Variants in TOMM40L observed in about 807,000 individuals in gnomAD.
The protein encoded by TOMM40L is mitochondrial import receptor subunit TOM40B.
TOMM40L carries 17 observed loss-of-function variants against 38.3 expected under a neutral mutation model. The ratio of observed to expected loss-of-function variants is 0.44; its 90% confidence interval spans 0.30 to 0.67. TOMM40L has a LOEUF of 0.67. TOMM40L is among the 30% of genes least tolerant of loss of function. TOMM40L has a pLI of 0.08. For missense variants in TOMM40L, 294 were observed against 390.0 expected (o/e 0.75, Z 2.07); for synonymous variants, 151 against 150.2 (o/e 1.01, Z -0.04).
In TOMM40L at chr1:161,226,361, C is replaced by G; in HGVS notation, c.-129C>G. On this transcript the variant is annotated 5_prime_UTR_variant, in exon 2 of 10. Coordinates refer to ENST00000367988, the MANE Select transcript of TOMM40L (RefSeq NM_032174.6). Reference sequence around the variant, plus strand: ...CCTACTCTTCCTGTTCCAGGTGTAGCGTCGGACCATGTGGAAGTTTCTGAG... The same window carrying G: ...CCTACTCTTCCTGTTCCAGGTGTAGGGTCGGACCATGTGGAAGTTTCTGAG... 1.4e-6 allele frequency: 1 copy of G among 736,762 alleles called. No individual in the cohort carries two copies. The highest frequency in any genetic ancestry group is 2.7e-5 in the East Asian group (1 of 36,490). 45.6% of individuals were successfully genotyped at this position (736,762 alleles called of 1,614,324 possible). A position where few individuals can be genotyped will look rare whatever the true frequency, so the allele number is the denominator to read the frequency against.
At chr1:161,227,572 A>G (rs1571645586) in intron 4 of TOMM40L, 64 bp from the exon 5 acceptor site, 7 of 1,400,234 alleles carry the variant, frequency 5.0e-6, no homozygotes, top group East Asian at 2.3e-5. Context: ...GAAGTTCTAT[A>G]TTTGGGTTTA....
intron 3 of TOMM40L, 41 bp from the exon 4 acceptor site, chr1:161,227,217 G>A: frequency 1.3e-6 from 2 of 1,581,804 alleles, no homozygotes; most frequent in African/African-American, 1.3e-5. Context: ...TTGAAGTGGA[G>A]CAGGAATGCG....
chr1:161,227,608 C>A, intron 4 of TOMM40L, 28 bp from the exon 5 acceptor site: 1 of 1,597,306 alleles, frequency 6.3e-7, no homozygotes, highest in East Asian at 2.2e-5. Flanking sequence ...TCCGGCTCAG[C>A]CTTACTACTG....
intron 9 of TOMM40L, 25 bp from the exon 10 acceptor site, chr1:161,228,931 T>C (rs1666584777): frequency 6.2e-7 from 1 of 1,614,176 alleles, no homozygotes; most frequent in Non-Finnish European, 8.5e-7. Flanking sequence ...TTAAATAATC[T>C]AGTGGGTATT....
chr1:161,228,552 A>G lies in TOMM40L; in HGVS notation c.684+48A>G, dbSNP rs142138143. The G allele has an allele frequency of 2.5e-6, 4 of 1,606,032 alleles. No individual in the cohort carries two copies. In the African/African-American group the frequency reaches 4.0e-5, roughly 16 times the overall value. The stretch of plus-strand genomic sequence containing the variant: ...CTCCTTGTCAGCAAGTCAGTCATGA[A>G]CTTCTGTTCATCTGGACCTCTATCG... On this transcript the variant is annotated intron_variant, in intron 8 of 9. Transcript: ENST00000367988.
At chr1:161,228,152 A>G (rs201833813) in intron 6 of TOMM40L, 34 bp from the exon 7 acceptor site, 213 of 1,570,862 alleles carry the variant, frequency 1.4e-4, no homozygotes, top group Non-Finnish European at 1.7e-4. Context: ...TATTGTCTCT[A>G]TGACTGACTC....
Position 161,228,215 on chromosome 1 carries a change from C to A in TOMM40L, c.514C>A (p.Leu172Ile). Reference protein sequence around the residue: ...VIMVAHFLQSLTHRLVLGGEL... With the variant: ...VIMVAHFLQSITHRLVLGGEL... Reference sequence around the variant, plus strand: ...CATGGTTGCTCACTTCCTGCAGAGCCTCACTCATCGGCTGGTGCTGGGAGG... The same window carrying A: ...CATGGTTGCTCACTTCCTGCAGAGCATCACTCATCGGCTGGTGCTGGGAGG... Residue 172 changes from leucine to isoleucine, a missense_variant, in exon 7 of 10, where the codon CTC becomes ATC. Physicochemically the swap from Leu to Ile is conservative, Grantham distance 5. Coordinates refer to ENST00000367988, the MANE Select transcript of TOMM40L (RefSeq NM_032174.6). 6.2e-7 allele frequency: 1 copy of A among 1,603,354 alleles called. No homozygotes were observed. The highest frequency in any genetic ancestry group is 8.5e-7 in the Non-Finnish European group (1 of 1,173,680).
At chr1:161,227,858 T>A (rs1429597185) in intron 5 of TOMM40L, 26 bp from the exon 6 acceptor site, 1 of 1,612,166 alleles carries the variant, frequency 6.2e-7, no homozygotes, top group East Asian at 2.2e-5. Flanking sequence ...GGGAGGGAGA[T>A]TTTACTTCTT....
chr1:161,228,225 G>A lies in TOMM40L; in HGVS notation c.524G>A (p.Arg175Gln), dbSNP rs771819011. Residue 175 changes from arginine to glutamine, a missense_variant, in exon 7 of 10, where the codon CGG becomes CAG. Coordinates refer to ENST00000367988, the MANE Select transcript of TOMM40L (RefSeq NM_032174.6). ...CACTTCCTGCAGAGCCTCACTCATC[G>A]GCTGGTGCTGGGAGGAGAGCTAGTT... ...VAHFLQSLTH[R>Q]LVLGGELVYH... 14 of 1,605,876 alleles carry A rather than the reference G, an allele frequency of 8.7e-6. No homozygotes were observed. The highest frequency in any genetic ancestry group is 2.2e-5 in the East Asian group (1 of 44,810).
Position 161,226,592 on chromosome 1 carries a change from C to A in TOMM40L, c.103C>A (p.Arg35Ser). The change falls in exon 2 of 10, where the codon CGT becomes AGT. Residue 35 changes from arginine (R) to serine (S), a missense_variant. Arg to Ser is a moderately radical substitution (Grantham distance 110, BLOSUM62 -1). Coordinates refer to ENST00000367988, the MANE Select transcript of TOMM40L (RefSeq NM_032174.6). ...PNPGSFDELHRLCKDVFPAQM... is the reference protein window; with the variant it reads ...PNPGSFDELHSLCKDVFPAQM... ...CCCTGGGAGCTTCGATGAGCTGCAC[C>A]GTCTATGCAAAGGTGAGAACTTGGC... 1.2e-6 allele frequency: 2 copies of A among 1,613,928 alleles called. No individual in the cohort carries two copies. Among genetic ancestry groups the A allele is most frequent in the African/African-American group, 1.3e-5 (1 of 75,010 alleles).
rs1666621805 is a variant in TOMM40L, at chr1:161,229,421, C to T, written c.*326C>T. The T allele has an allele frequency of 1.6e-6, 1 of 628,334 alleles. No homozygotes were observed. 38.9% of individuals were successfully genotyped at this position (628,334 alleles called of 1,614,324 possible). ...CCCTCAGGCTTCCTTCTTCCTTTCCCTTTGGTTAATCCTGCATGGGATTAG... is the reference window on the plus strand; with the variant it reads ...CCCTCAGGCTTCCTTCTTCCTTTCCTTTTGGTTAATCCTGCATGGGATTAG... On this transcript the variant is annotated 3_prime_UTR_variant, in exon 10 of 10. Coordinates refer to ENST00000367988, the MANE Select transcript of TOMM40L (RefSeq NM_032174.6).
At position 161,227,966 on chromosome 1, in the gene TOMM40L, A is replaced by G; in HGVS notation, c.461A>G (p.Asn154Ser). 1 of 1,614,100 alleles carries G rather than the reference A, an allele frequency of 6.2e-7. No homozygotes were observed. Among genetic ancestry groups the G allele is most frequent in the Non-Finnish European group, 8.5e-7 (1 of 1,179,990 alleles). The change falls in exon 6 of 10, where the codon AAT becomes AGT. Residue 154 changes from asparagine (N) to serine (S), a missense_variant. By Grantham distance (46) the Asn-to-Ser change is conservative. Transcript: ENST00000367988. ...TACACAGCCACTCTGACCCTAGGAA[A>G]TCCTGACCTGATTGGGGAGTCGGGT... ...DDYTATLTLG[N>S]PDLIGESVIM...
Position 161,227,500 on chromosome 1 carries a change from TTC to T in TOMM40L, c.277-134_277-133del. ...GAATGAGAGAGGGTAGAGAAACATTTTCTGTGAAGAGCCCAGAGTGTGTCTTT... is the reference window on the plus strand; with the variant it reads ...GAATGAGAGAGGGTAGAGAAACATTTTGTGAAGAGCCCAGAGTGTGTCTTT... On this transcript the variant is annotated intron_variant, in intron 4 of 9. Coordinates refer to ENST00000367988, the MANE Select transcript of TOMM40L (RefSeq NM_032174.6). 4.8e-6 allele frequency: 5 copies of T among 1,042,096 alleles called. No individual in the cohort carries two copies. In the South Asian group the frequency reaches 7.2e-5, roughly 15 times the overall value. The allele number at this position is 1,042,096 out of a possible 1,614,324, so 64.6% of individuals were successfully genotyped here. A position where few individuals can be genotyped will look rare whatever the true frequency, so the allele number is the denominator to read the frequency against.
In TOMM40L at chr1:161,227,968, C is replaced by A; in HGVS notation, c.463C>A (p.Pro155Thr). 6.2e-7 allele frequency: 1 copy of A among 1,614,142 alleles called. No individual in the cohort carries two copies. Among genetic ancestry groups the A allele is most frequent in the Non-Finnish European group, 8.5e-7 (1 of 1,180,010 alleles). The stretch of plus-strand genomic sequence containing the variant: ...CACAGCCACTCTGACCCTAGGAAAT[C>A]CTGACCTGATTGGGGAGTCGGGTGA... Reference protein sequence around the residue: ...DYTATLTLGNPDLIGESVIMV... With the variant: ...DYTATLTLGNTDLIGESVIMV... The change falls in exon 6 of 10, where the codon CCT (proline) becomes ACT (threonine). Residue 155 changes from proline to threonine, a missense_variant. Coordinates refer to ENST00000367988, the MANE Select transcript of TOMM40L (RefSeq NM_032174.6).
Position 161,230,230 on chromosome 1 carries a change from C to A in TOMM40L, c.*1135C>A. 1 of 402,610 alleles carries A rather than the reference C, an allele frequency of 2.5e-6. No homozygotes were observed. Among genetic ancestry groups the A allele is most frequent in the Non-Finnish European group, 4.5e-6 (1 of 219,968 alleles). The allele number at this position is 402,610 out of a possible 1,614,324, so 24.9% of individuals were successfully genotyped here. A position where few individuals can be genotyped will look rare whatever the true frequency, so the allele number is the denominator to read the frequency against. On this transcript the variant is annotated 3_prime_UTR_variant, in exon 10 of 10. Transcript: ENST00000367988. ...ACCATGTGGAATCTGAGGGCCTGGC[C>A]TTCTAGAGCAGGTTCTAGAAGGTGG...
In TOMM40L at chr1:161,230,090, G is replaced by A; in HGVS notation, c.*995G>A. 1 of 794,872 alleles carries A rather than the reference G, an allele frequency of 1.3e-6. No homozygotes were observed. Among genetic ancestry groups the A allele is most frequent in the Non-Finnish European group, 2.0e-6 (1 of 510,940 alleles). 49.2% of individuals were successfully genotyped at this position (794,872 alleles called of 1,614,324 possible). Reference sequence around the variant, plus strand: ...TGACAGACTATCAGAGGTTCCAAAGGTCCTCCAGGGGGCCTCGGTCTGACA... The same window carrying A: ...TGACAGACTATCAGAGGTTCCAAAGATCCTCCAGGGGGCCTCGGTCTGACA... On this transcript the variant is annotated 3_prime_UTR_variant, in exon 10 of 10. Transcript: ENST00000367988.
In TOMM40L at chr1:161,227,682, A is replaced by G. The variant is rs1666436212; in HGVS notation, c.323A>G (p.Asn108Ser). 1 of 1,613,304 alleles carries G rather than the reference A, an allele frequency of 6.2e-7. No homozygotes were observed. Residue 108 changes from asparagine (N) to serine (S), a missense_variant, in exon 5 of 10, where the codon AAC becomes AGC. Coordinates refer to ENST00000367988, the MANE Select transcript of TOMM40L (RefSeq NM_032174.6). ...GATATGGACAGCAGTGGCAGCCTGA[A>G]CGCCCAGGTCTTGCTCCTCTTGGCA... is the stretch of plus-strand genomic sequence containing the variant. ...VGDMDSSGSL[N>S]AQVLLLLAER...
At chr1:161,227,235 C>T (rs767561702) in intron 3 of TOMM40L, 23 bp from the exon 4 acceptor site, 1 of 1,611,512 alleles carries the variant, frequency 6.2e-7, no homozygotes, top group Non-Finnish European at 8.5e-7. Context: ...GCGCTTTTCT[C>T]CACTGAATCC....
chr1:161,227,121 C>T lies in TOMM40L; in HGVS notation c.184-137C>T, dbSNP rs138126175. 409 of 1,160,240 alleles carry T rather than the reference C, an allele frequency of 3.5e-4. 2 individuals carry two copies. In the East Asian group the frequency reaches 7.9e-3, roughly 22 times the overall value. The allele number at this position is 1,160,240 out of a possible 1,614,324, so 71.9% of individuals were successfully genotyped here. A position where few individuals can be genotyped will look rare whatever the true frequency, so the allele number is the denominator to read the frequency against. The stretch of plus-strand genomic sequence containing the variant: ...CCTGTGGGACTTGTTGCTTTTAATC[C>T]GATGACCTTCTCTGTATATGTTGGA... On this transcript the variant is annotated intron_variant, in intron 3 of 9. Transcript: ENST00000367988.
Sources: gnomAD v4.1 joint callset for allele counts on GRCh38, gnomAD v4.1.1 for gene constraint, MANE v1.5 for transcripts, NCBI Gene and HGNC (gene_info 2026-07-23, HGNC 2026-07-21) for gene names.